DIDO1: variants seen among roughly 807,000 people sequenced by gnomAD.
DIDO1 encodes the protein death-inducer obliterator 1.
DIDO1 carries 16 observed loss-of-function variants against 99.4 expected under a neutral mutation model. The ratio of observed to expected loss-of-function variants is 0.16; its 90% CI spans 0.11 to 0.24. The LOEUF is 0.24. Ranked by LOEUF, DIDO1 falls within the 10% of genes least tolerant of loss-of-function variation. The pLI is 1.00. For missense variants in DIDO1, 2,996 were observed against 3,014.0 expected, an observed-to-expected ratio of 0.99 and a Z score of 0.14; for synonymous variants, 1,366 against 1,239.1, an observed-to-expected ratio of 1.10 and a Z score of -2.15.
Position 62,878,331 on chromosome 20 carries a change from G to A in DIDO1, c.*902C>T, listed in dbSNP as rs1374703242. 1.3e-5 allele frequency: 2 copies of A among 152,118 alleles called. No homozygotes were observed. Among genetic ancestry groups the A allele is most frequent in the African/African-American group, 2.4e-5 (1 of 41,402 alleles). 9.4% of individuals were successfully genotyped at this position (152,118 alleles called of 1,614,324 possible). On this transcript the variant is annotated 3_prime_UTR_variant, in exon 16 of 16. Transcript: ENST00000395343. Reference sequence around the variant, plus strand: ...CTTGAGCTAGTGATCACTAGTTCCCGTCTCAGACTTTACACAAGTCTTGTT... The same window carrying A: ...CTTGAGCTAGTGATCACTAGTTCCCATCTCAGACTTTACACAAGTCTTGTT...
chr20:62,901,830 A>C (rs2064689935), intron 6 of DIDO1, among the ~76,000 whole-genome samples: 1 of 152,234 alleles, frequency 6.6e-6, no homozygotes, highest in African/African-American at 2.4e-5. Flanking sequence ...AAAAAAAAAA[A>C]AAAACCTAGT....
intron 6 of DIDO1, chr20:62,905,400 A>G (rs965422660): frequency 4.8e-6 from 7 of 1,470,664 alleles, no homozygotes; most frequent in Non-Finnish European, 6.3e-6. Flanking sequence ...AATCAGATGC[A>G]ACACTAACTT....
In DIDO1 at chr20:62,887,491, G is replaced by A. The variant is rs1172425792; in HGVS notation, c.3541+3469C>T. The stretch of plus-strand genomic sequence containing the variant: ...TCAGAGAAAAGAGCCCTTTCCATTC[G>A]AGCAGCTACAGAGGGCGGTGTTTCC... On this transcript the variant is annotated intron_variant, in intron 15 of 15. Coordinates refer to ENST00000395343, the MANE Select transcript of DIDO1 (RefSeq NM_001193369.2). 8 of 985,324 alleles carry A rather than the reference G, an allele frequency of 8.1e-6. No individual in the cohort carries two copies. The African/African-American group carries it at 1.2e-4, about 15-fold the overall frequency. The allele number at this position is 985,324 out of a possible 1,614,324, so 61.0% of individuals were successfully genotyped here.
intron 1 of DIDO1, among the ~76,000 whole-genome samples, chr20:62,919,280 G>T (rs971779686): frequency 6.6e-6 from 1 of 152,180 alleles, no homozygotes; most frequent in Non-Finnish European, 1.5e-5. Flanking sequence ...GGGTGCGGTG[G>T]CTCATGCCTG....
At chr20:62,927,700 C>G (rs1239791546), upstream of DIDO1, among the ~76,000 whole-genome samples, 1 of 152,234 alleles carries the variant, frequency 6.6e-6, no homozygotes, top group African/African-American at 2.4e-5. Flanking sequence ...ATGGATGAAC[C>G]AGGGGCTTTG....
At position 62,894,721 on chromosome 20, in the gene DIDO1, A is replaced by T; in HGVS notation, c.2436+89T>A. The T allele has an allele frequency of 7.0e-7, 1 of 1,425,060 alleles. No homozygotes were observed. Among genetic ancestry groups the T allele is most frequent in the African/African-American group, 1.7e-5 (1 of 60,204 alleles). 88.3% of individuals were successfully genotyped at this position (1,425,060 alleles called of 1,614,324 possible). On this transcript the variant is annotated intron_variant, in intron 10 of 15. Coordinates refer to ENST00000395343, the MANE Select transcript of DIDO1 (RefSeq NM_001193369.2). This position sits in a 1 kb window ranked among gnomAD's most constrained non-coding sequence, Gnocchi z 4.4. The stretch of plus-strand genomic sequence containing the variant: ...AATGACATACACCTGCTGTAAGCTC[A>T]GGTCCTGCCCAATAATTTAAGATAA...
chr20:62,931,553 C>T (rs574622596), intron 1 of DIDO1, among the ~76,000 whole-genome samples: 1 of 152,246 alleles, frequency 6.6e-6, no homozygotes, highest in South Asian at 2.1e-4. Flanking sequence ...GGACATTTAC[C>T]CTTACAGGCT....
At chr20:62,910,636 GTTTC>G (rs1172844419) in intron 3 of DIDO1, 134 bp downstream of exon 3, 3 of 1,084,684 alleles carry the variant, frequency 2.8e-6, no homozygotes, top group Non-Finnish European at 2.7e-6. Flanking sequence ...ACTCTTATGT[GTTTC>G]TTTTTTGACA....
At chr20:62,915,268 C>T (rs1393864989) in intron 1 of DIDO1, among the ~76,000 whole-genome samples, 1 of 152,126 alleles carries the variant, frequency 6.6e-6, no homozygotes, top group Non-Finnish European at 1.5e-5. Flanking sequence ...TCAACACCAG[C>T]CCAGGCAACG....
Position 62,881,718 on chromosome 20 carries a change from G to C in DIDO1, c.4238C>G (p.Ala1413Gly). 6.2e-7 allele frequency: 1 copy of C among 1,612,914 alleles called. No homozygotes were observed. Among genetic ancestry groups the C allele is most frequent in the Non-Finnish European group, 8.5e-7 (1 of 1,180,016 alleles). ...ERGRRHEVER[A>G]PEAAAAEREE... Reference sequence around the variant, plus strand: ...CCGCTCGGCTGCAGCTGCTTCAGGAGCCCTTTCCACCTCGTGGCGCCGCCC... The same window carrying C: ...CCGCTCGGCTGCAGCTGCTTCAGGACCCCTTTCCACCTCGTGGCGCCGCCC... The change falls in exon 16 of 16, where the codon GCT becomes GGT. Residue 1413 changes from alanine to glycine, a missense_variant. Around this residue, in one of 5 missense-constraint regions of DIDO1, gnomAD observed 1,562 missense variants for 1,412.6 expected, o/e 1.11. Coordinates refer to ENST00000395343, the MANE Select transcript of DIDO1 (RefSeq NM_001193369.2). This position sits in a 1 kb window ranked among gnomAD's most constrained non-coding sequence, Gnocchi z 8.3.
At chr20:62,919,939 T>C (rs559807364) in intron 1 of DIDO1, among the ~76,000 whole-genome samples, 6 of 152,374 alleles carry the variant, frequency 3.9e-5, no homozygotes, top group African/African-American at 1.4e-4. Flanking sequence ...GTGAGGTTTA[T>C]TGTTCTCTAT....
At chr20:62,900,690 C>A (rs1328365779) in intron 6 of DIDO1, among the ~76,000 whole-genome samples, 1 of 152,214 alleles carries the variant, frequency 6.6e-6, no homozygotes, top group Non-Finnish European at 1.5e-5. Flanking sequence ...ATAAACACCA[C>A]ACGCCCTCAC....
chr20:62,921,021 G>C (rs745718492), intron 1 of DIDO1, among the ~76,000 whole-genome samples: 16 of 152,140 alleles, frequency 1.1e-4, no homozygotes, highest in Non-Finnish European at 2.2e-4. Context: ...AGCCTCCCGA[G>C]TAGCTGGGAT....
At chr20:62,922,747 A>G (rs2065179663) in intron 1 of DIDO1, among the ~76,000 whole-genome samples, 1 of 152,180 alleles carries the variant, frequency 6.6e-6, no homozygotes, top group Non-Finnish European at 1.5e-5. Flanking sequence ...GGGCTTGGAG[A>G]GAAAGGCCCT....
intron 6 of DIDO1, among the ~76,000 whole-genome samples, chr20:62,898,089 T>C (rs1383192886): frequency 6.6e-6 from 1 of 152,192 alleles, no homozygotes; most frequent in Non-Finnish European, 1.5e-5. Context: ...TGGGAGAATG[T>C]GACAGATGCT....
chr20:62,917,789 G>A (rs987436788), intron 1 of DIDO1, among the ~76,000 whole-genome samples: 16 of 152,194 alleles, frequency 1.1e-4, no homozygotes, highest in Admixed American at 6.5e-4. Context: ...GCCCATGCAC[G>A]GTGCTGAAGA....
intron 6 of DIDO1, among the ~76,000 whole-genome samples, chr20:62,898,098 C>T (rs1568851031): frequency 6.6e-6 from 1 of 152,226 alleles, no homozygotes; most frequent in Admixed American, 6.5e-5. Flanking sequence ...GTGACAGATG[C>T]TCCCAAGAGC....
chr20:62,895,277 C>G (rs2064493417), intron 8 of DIDO1, 112 bp from the exon 9 acceptor site: 1 of 952,830 alleles, frequency 1.0e-6, no homozygotes, highest in Non-Finnish European at 1.6e-6. Context: ...GACAAAGGCC[C>G]TCAGGGCCCA....
chr20:62,880,419 T>C lies in DIDO1; in HGVS notation c.5537A>G (p.Lys1846Arg), dbSNP rs1240646983. ...CTCCCTCTTCTCCCCATGGGGATCC[T>C]TGCGTTCTTCAAATTGGGATGGTGC... Reference protein sequence around the residue: ...GVAPSQFEERKDPHGEKREFQ... With the variant: ...GVAPSQFEERRDPHGEKREFQ... Residue 1846 changes from lysine to arginine, a missense_variant, in exon 16 of 16, where the codon AAG (lysine) becomes AGG (arginine). Lys to Arg is a conservative substitution (Grantham distance 26). Coordinates refer to ENST00000395343, the MANE Select transcript of DIDO1 (RefSeq NM_001193369.2). The C allele has an allele frequency of 1.9e-6, 3 of 1,612,860 alleles. No individual in the cohort carries two copies. Among genetic ancestry groups the C allele is most frequent in the Non-Finnish European group, 1.7e-6 (2 of 1,180,006 alleles).
Sources: gnomAD v4.1 joint callset for allele counts (sites outside exome capture counted in the v4.1 genomes callset) on GRCh38, gnomAD v4.1.1 for gene constraint, gnomAD v4.1.1 regional missense constraint, Gnocchi (gnomAD v3.1) non-coding constraint, MANE v1.5 for transcripts, NCBI Gene and HGNC (gene_info 2026-07-23, HGNC 2026-07-21) for gene names.